Variants in TMEM272 observed in about 807,000 individuals in gnomAD.
TMEM272 encodes long intergenic non-protein coding RNA 282.
TMEM272 carries 8 observed loss-of-function variants against 3.7 expected under a neutral mutation model. The ratio of observed to expected loss-of-function variants is 2.17; its 90% CI spans 1.27 to 3.91. The LOEUF (loss-of-function observed/expected upper bound fraction) is 3.91, where lower values mean the gene tolerates loss of function less well. Ranked by LOEUF, TMEM272 falls within the 30% of genes most tolerant of loss-of-function variation. The pLI, the probability that TMEM272 is intolerant of heterozygous loss-of-function variation, is 0.00. For missense variants in TMEM272, 166 were observed against 91.5 expected (o/e 1.81, Z -3.32); for synonymous variants, 63 against 39.8 (o/e 1.58, Z -2.20).
the TMEM272 span, among the ~76,000 whole-genome samples, chr13:51,873,087 G>A: frequency 9.2e-5 from 14 of 152,164 alleles, no homozygotes; most frequent in African/African-American, 2.2e-4. Flanking sequence ...TGGAGCAGTC[G>A]GAAGTCATTA....
At chr13:51,888,569 C>T in the TMEM272 span, among the ~76,000 whole-genome samples, 4 of 151,558 alleles carry the variant, frequency 2.6e-5, no homozygotes, top group Non-Finnish European at 5.9e-5. Flanking sequence ...TCTCACATGA[C>T]AGCATTTTAT....
At chr13:51,817,881 C>T (rs891393232) in intron 4 of TMEM272, among the ~76,000 whole-genome samples, 8 of 152,200 alleles carry the variant, frequency 5.3e-5, no homozygotes, top group African/African-American at 1.9e-4. Context: ...CACTTGGTTA[C>T]ACAAAGCACC....
At chr13:51,908,266 A>T in the TMEM272 span, 2 of 790,036 alleles carry the variant, frequency 2.5e-6, no homozygotes, top group South Asian at 1.5e-5. Flanking sequence ...TTGAAGGCAG[A>T]CTCAACCCTA....
chr13:51,843,551 A>G (rs1956279187), intron 1 of TMEM272, among the ~76,000 whole-genome samples: 1 of 152,260 alleles, frequency 6.6e-6, no homozygotes, highest in African/African-American at 2.4e-5. Context: ...CACAGATTTT[A>G]GTCAATTTCT....
chr13:51,858,301 T>G, the TMEM272 span, among the ~76,000 whole-genome samples: 4 of 152,194 alleles, frequency 2.6e-5, no homozygotes, highest in Non-Finnish European at 5.9e-5. Flanking sequence ...TATTTTCAAG[T>G]GGACATGGAA....
the TMEM272 span, among the ~76,000 whole-genome samples, chr13:51,891,026 C>T: frequency 2.0e-5 from 3 of 152,122 alleles, no homozygotes; most frequent in African/African-American, 7.2e-5. Context: ...ACTGTGGTAA[C>T]ATCTTTTTTA....
At chr13:51,820,612 C>CA (rs1242697313) in intron 4 of TMEM272, among the ~76,000 whole-genome samples, 1 of 152,196 alleles carries the variant, frequency 6.6e-6, no homozygotes, top group East Asian at 1.9e-4. Context: ...CGGACAGTAG[C>CA]ATCTCTAAAG....
chr13:51,931,344 A>G, the TMEM272 span, among the ~76,000 whole-genome samples: 1 of 151,826 alleles, frequency 6.6e-6, no homozygotes, highest in Non-Finnish European at 1.5e-5. Context: ...TTGCAGGGAC[A>G]TGGATGAAGC....
the TMEM272 span, among the ~76,000 whole-genome samples, chr13:51,897,362 A>ATTTTTTTTTTTTTTTT: frequency 3.6e-5 from 3 of 82,408 alleles, no homozygotes; most frequent in African/African-American, 8.2e-5. Context: ...TGTCTGGCTA[A>ATTTTTTTTTTTTTTTT]TTTTTTTTTT....
At chr13:51,909,097 A>G in the TMEM272 span, 1 of 1,471,490 alleles carries the variant, frequency 6.8e-7, no homozygotes, top group Non-Finnish European at 9.5e-7. Context: ...TCTCTGCCAA[A>G]TGCTGTATTT....
chr13:51,865,881 G>C, the TMEM272 span: 3 of 1,613,516 alleles, frequency 1.9e-6, no homozygotes, highest in South Asian at 3.3e-5. Flanking sequence ...GTAGAGGAAA[G>C]AGCCCTCCTT....
chr13:51,865,061 C>G, the TMEM272 span, among the ~76,000 whole-genome samples: 1 of 152,178 alleles, frequency 6.6e-6, no homozygotes. Flanking sequence ...CATGTCACAC[C>G]TATGTGTTCT....
chr13:51,914,660 T>C, the TMEM272 span, among the ~76,000 whole-genome samples: 91 of 152,386 alleles, frequency 6.0e-4, no homozygotes, highest in African/African-American at 2.1e-3. Flanking sequence ...TTAATTGCAC[T>C]GTCTGAGAGC....
At chr13:51,930,525 T>C in the TMEM272 span, 1 of 152,196 alleles carries the variant, frequency 6.6e-6, no homozygotes, top group Non-Finnish European at 1.5e-5. Flanking sequence ...TCCACAATAC[T>C]TTCCAATACC....
At chr13:51,909,695 T>C in the TMEM272 span, 6 of 1,555,484 alleles carry the variant, frequency 3.9e-6, no homozygotes, top group Non-Finnish European at 5.3e-6. Flanking sequence ...AAGCTCCTTT[T>C]GGAGGATTAT....
the TMEM272 span, among the ~76,000 whole-genome samples, chr13:51,886,010 A>T: frequency 6.9e-3 from 1,058 of 152,330 alleles, 20 homozygotes; most frequent in African/African-American, 0.024. Context: ...AAAACTCCAT[A>T]AAGGAAGAAG....
chr13:51,838,893 T>C (rs1464582972), intron 1 of TMEM272, among the ~76,000 whole-genome samples: 2 of 152,052 alleles, frequency 1.3e-5, no homozygotes, highest in Non-Finnish European at 2.9e-5. Flanking sequence ...AAATAGGTCA[T>C]CTCATATTTA....
the TMEM272 span, among the ~76,000 whole-genome samples, chr13:51,928,517 G>A: frequency 6.6e-6 from 1 of 152,204 alleles, no homozygotes; most frequent in Non-Finnish European, 1.5e-5. Context: ...AGGATGATCT[G>A]AGGGAGACGG....
chr13:51,884,267 G>A, the TMEM272 span, among the ~76,000 whole-genome samples: 3 of 152,266 alleles, frequency 2.0e-5, no homozygotes, highest in East Asian at 1.9e-4. Context: ...TGCAGGATTT[G>A]GGGTTGATCT....
Sources: gnomAD v4.1 joint callset for allele counts (sites outside exome capture counted in the v4.1 genomes callset) on GRCh38, gnomAD v4.1.1 for gene constraint, MANE v1.5 for transcripts, NCBI Gene and HGNC (gene_info 2026-07-23, HGNC 2026-07-21) for gene names.